KIF3A: variants seen among roughly 807,000 people sequenced by gnomAD.
KIF3A encodes kinesin-like protein KIF3A.
A neutral mutation model predicts 92.6 loss-of-function variants in KIF3A; 27 were observed. The observed-to-expected ratio is 0.29, with a 90% CI of 0.21 to 0.40. The LOEUF is 0.40. KIF3A is among the 10% of genes least tolerant of loss of function. The pLI is 1.00. For missense variants in KIF3A, 581 were observed against 872.6 expected (o/e 0.67, Z 4.21); for synonymous variants, 250 against 275.4 (o/e 0.91, Z 0.92).
At chr5:132,698,787 T>C (rs1394680077) in intron 18 of KIF3A, among the ~76,000 whole-genome samples, 2 of 31,266 alleles carry the variant, frequency 6.4e-5, no homozygotes, top group Non-Finnish European at 1.4e-4. Flanking sequence ...TGAAGTTCAG[T>C]GGCATGATCT....
At chr5:132,727,737 G>A (rs1302509628) in intron 2 of KIF3A, among the ~76,000 whole-genome samples, 1 of 152,166 alleles carries the variant, frequency 6.6e-6, no homozygotes, top group African/African-American at 2.4e-5. Context: ...GCTATATTGT[G>A]GATGAAGAAT....
chr5:132,697,614 G>A (rs1417014113), intron 18 of KIF3A: 3 of 152,134 alleles, frequency 2.0e-5, no homozygotes, highest in Non-Finnish European at 4.4e-5. Context: ...TCAGGGGTTC[G>A]AGACCAGCCT....
intron 18 of KIF3A, among the ~76,000 whole-genome samples, chr5:132,698,824 G>A (rs1000144320): frequency 6.7e-6 from 1 of 149,906 alleles, no homozygotes; most frequent in African/African-American, 2.5e-5. Flanking sequence ...TGCAACCTCC[G>A]GCTCCTGGGT....
At chr5:132,700,548 T>C (rs1752999143) in intron 16 of KIF3A, 99 bp downstream of exon 16, 1 of 785,852 alleles carries the variant, frequency 1.3e-6, no homozygotes, top group Non-Finnish European at 2.2e-6. Context: ...ATCTGATTCA[T>C]CTACTGGACC....
At chr5:132,710,938 A>G (rs745796607) in intron 9 of KIF3A, 21 bp downstream of exon 9, 9 of 1,613,672 alleles carry the variant, frequency 5.6e-6, no homozygotes, top group African/African-American at 1.3e-5. Context: ...TCTACAAATC[A>G]GATTACTAAA....
chr5:132,709,050 G>A, intron 9 of KIF3A, 72 bp from the exon 10 acceptor site: 2 of 1,166,320 alleles, frequency 1.7e-6, no homozygotes, highest in South Asian at 2.8e-5. Context: ...CACACACAGA[G>A]AAAAATTCAG....
intron 4 of KIF3A, among the ~76,000 whole-genome samples, chr5:132,725,581 C>A (rs1754008088): frequency 6.6e-6 from 1 of 152,128 alleles, no homozygotes; most frequent in African/African-American, 2.4e-5. Flanking sequence ...GCTATATGAC[C>A]TTGAGCAAGT....
chr5:132,724,809 ATATATATATATATATATATATATATAT>A (rs1753968949), intron 4 of KIF3A, among the ~76,000 whole-genome samples: 15 of 10,516 alleles, frequency 1.4e-3, no homozygotes, highest in African/African-American at 4.5e-3. Flanking sequence ...AAAAAAAAAT[ATATATATATATATATATATATATATAT>A]ATATATATAT....
intron 10 of KIF3A, among the ~76,000 whole-genome samples, chr5:132,708,281 CAAAA>C (rs58058674): frequency 4.5e-5 from 3 of 66,476 alleles, no homozygotes; most frequent in Admixed American, 1.5e-4. Flanking sequence ...GACTCCGTCT[CAAAA>C]AAAAAAAAAA....
chr5:132,726,156 A>C lies in KIF3A; in HGVS notation c.482T>G (p.Leu161Trp). Residue 161 changes from leucine to tryptophan, a missense_variant, in exon 4 of 19, where the codon TTG becomes TGG. By Grantham distance (61) the Leu-to-Trp change is moderately conservative. Around this residue, in one of 5 missense-constraint regions of KIF3A, gnomAD observed 217 missense variants for 299.7 expected, o/e 0.72. Transcript: ENST00000403231. ...TAACCTTTGTGTCTGATCCTTGCCC[A>C]AAAGGTCACGAACTTCTTCATTATA... ...EIYNEEVRDL[L>W]GKDQTQRLEV... The C allele has an allele frequency of 6.2e-7, 1 of 1,611,308 alleles. No individual in the cohort carries two copies.
chr5:132,708,643 G>C (rs1027670481), intron 10 of KIF3A, among the ~76,000 whole-genome samples: 1 of 152,146 alleles, frequency 6.6e-6, no homozygotes, highest in African/African-American at 2.4e-5. Flanking sequence ...CAGCTTACTA[G>C]CTCTCTTTAC....
At chr5:132,689,940 C>G (rs1338541456), downstream of KIF3A, 1 of 152,268 alleles carries the variant, frequency 6.6e-6, no homozygotes, top group African/African-American at 2.4e-5. Context: ...CCACTTGACG[C>G]CAGGTGCAGT....
chr5:132,702,719 T>C, intron 13 of KIF3A, 51 bp from the exon 14 acceptor site: 3 of 1,391,860 alleles, frequency 2.2e-6, no homozygotes, highest in East Asian at 2.3e-5. Context: ...TAAAATCAAA[T>C]ATCTAATTCT....
chr5:132,717,550 T>C (rs1277798205), intron 5 of KIF3A, among the ~76,000 whole-genome samples: 6 of 149,716 alleles, frequency 4.0e-5, no homozygotes, highest in African/African-American at 1.2e-4. Flanking sequence ...ATAAGGTAGA[T>C]CTAAAAACGT....
At chr5:132,700,187 T>G in intron 17 of KIF3A, 29 bp downstream of exon 17, 3 of 1,278,380 alleles carry the variant, frequency 2.3e-6, no homozygotes, top group Non-Finnish European at 3.3e-6. Context: ...GTTTTGTGTT[T>G]TGTTTTGTTT....
In KIF3A at chr5:132,724,809, A is replaced by AAT. The variant is rs1385956122; in HGVS notation, c.510+1318_510+1319insAT. ...AAGTATAATAAAAAAAAAAAAAAATATATATATATATATATATATATATAT... is the reference window on the plus strand; with the variant it reads ...AAGTATAATAAAAAAAAAAAAAAATAATTATATATATATATATATATATATAT... On this transcript the variant is annotated intron_variant, in intron 4 of 18. Transcript: ENST00000403231. 2.9e-3 allele frequency among the ~76,000 whole-genome samples: 31 copies of AAT among 10,510 alleles called. 2 individuals are homozygous for AAT. The highest frequency in any genetic ancestry group is 8.6e-3 in the African/African-American group (29 of 3,364). The allele number at this position is 10,510 out of a possible 152,430, so 6.9% of individuals were successfully genotyped here.
intron 10 of KIF3A, 68 bp downstream of exon 10, chr5:132,708,839 C>T: frequency 9.4e-7 from 1 of 1,059,792 alleles, no homozygotes. Context: ...TGCAGCATTG[C>T]TCAAATGAAG....
rs149831499 is a variant in KIF3A, at chr5:132,724,184, T to A, written c.510+1944A>T. Among the ~76,000 whole-genome samples, 1,490 of 152,244 alleles carry A rather than the reference T, an allele frequency of 9.8e-3. 27 individuals are homozygous for A. The East Asian group carries it at 0.1, about 10-fold the overall frequency. The stretch of plus-strand genomic sequence containing the variant: ...GAGGATGTGGAGAAACAGGAACACT[T>A]TTACACCATTGGTGGGAGTGTAAAC... On this transcript the variant is annotated intron_variant, in intron 4 of 18. Transcript: ENST00000403231.
At chr5:132,732,850 A>C (rs1754278487) in intron 2 of KIF3A, among the ~76,000 whole-genome samples, 1 of 151,992 alleles carries the variant, frequency 6.6e-6, no homozygotes, top group Admixed American at 6.6e-5. Context: ...CAGAAGTTGC[A>C]GTGAGCCAAG....
Sources: allele counts gnomAD v4.1 joint callset (sites outside exome capture counted in the v4.1 genomes callset), GRCh38; gene constraint gnomAD v4.1.1; regional missense constraint gnomAD v4.1.1; transcripts MANE v1.5; gene names NCBI Gene and HGNC (gene_info 2026-07-23, HGNC 2026-07-21).